Variants in GPHN observed in about 807,000 individuals in gnomAD.
GPHN encodes gephyrin.
A neutral mutation model predicts 95.5 loss-of-function variants in GPHN; 17 were observed. The ratio of observed to expected loss-of-function variants is 0.18; its 90% CI spans 0.12 to 0.27. The LOEUF is 0.27. Among genes scored for constraint, GPHN ranks in the 10% least tolerant of loss-of-function variants. The pLI is 1.00. For synonymous variants in GPHN, 320 were observed against 322.5 expected, an observed-to-expected ratio of 0.99 and a Z score of 0.08; for missense variants, 660 against 978.1, an observed-to-expected ratio of 0.67 and a Z score of 4.34.
Position 66,519,962 on chromosome 14 carries a change from T to C in GPHN, c.64+11371T>C, listed in dbSNP as rs898367039. ...ATGAACAGGCTGCAAATTGAATCTATGTAATCTGTCCGTAGAGTGTAAGCT... is the reference window on the plus strand; with the variant it reads ...ATGAACAGGCTGCAAATTGAATCTACGTAATCTGTCCGTAGAGTGTAAGCT... On this transcript the variant is annotated intron_variant, in intron 1 of 22. Transcript: ENST00000478722. Among the ~76,000 whole-genome samples the C allele has an allele frequency of 2.0e-5, 3 of 152,272 alleles. No individual in the cohort carries two copies. In the East Asian group the frequency reaches 5.8e-4, roughly 29 times the overall value.
intron 11 of GPHN, among the ~76,000 whole-genome samples, chr14:67,072,570 G>A (rs1258583898): frequency 6.6e-6 from 1 of 151,950 alleles, no homozygotes; most frequent in Non-Finnish European, 1.5e-5. Flanking sequence ...TTAATTGTGA[G>A]ACAAAAGCAT....
At chr14:67,499,855 A>T in the GPHN span, among the ~76,000 whole-genome samples, 2 of 147,340 alleles carry the variant, frequency 1.4e-5, no homozygotes, top group South Asian at 4.4e-4. Flanking sequence ...AAAAAAAAAA[A>T]GTTATGCCCT....
chr14:67,196,569 G>A, the GPHN span, among the ~76,000 whole-genome samples: 1 of 152,166 alleles, frequency 6.6e-6, no homozygotes, highest in Non-Finnish European at 1.5e-5. Context: ...AGGTTTTCAG[G>A]TAATCGTAAG....
At chr14:67,198,516 A>C in the GPHN span, among the ~76,000 whole-genome samples, 1 of 152,222 alleles carries the variant, frequency 6.6e-6, no homozygotes, top group Non-Finnish European at 1.5e-5. Context: ...AATGTCCCCA[A>C]AACTCTTGTG....
chr14:67,046,176 G>A (rs1314740379), intron 10 of GPHN, among the ~76,000 whole-genome samples: 1 of 151,610 alleles, frequency 6.6e-6, no homozygotes. Flanking sequence ...ATATGTTACT[G>A]TTCTAATTTA....
chr14:66,800,588 TA>T (rs200928948), intron 3 of GPHN, among the ~76,000 whole-genome samples: 1,759 of 150,996 alleles, frequency 0.012, 16 homozygotes, highest in Non-Finnish European at 0.017. Flanking sequence ...GTTTTTTTTT[TA>T]TTTTTCTCAT....
chr14:66,526,551 T>C (rs1263123218), intron 1 of GPHN, among the ~76,000 whole-genome samples: 2 of 152,192 alleles, frequency 1.3e-5, no homozygotes, highest in African/African-American at 2.4e-5. Flanking sequence ...ATCCTTGTCT[T>C]GTGCTGGTTT....
intron 10 of GPHN, among the ~76,000 whole-genome samples, chr14:67,043,413 C>T (rs1662853484): frequency 6.6e-6 from 1 of 152,072 alleles, no homozygotes; most frequent in Non-Finnish European, 1.5e-5. Context: ...CCATCAATAC[C>T]TAGTTTATTG....
At chr14:66,963,576 CCTT>C (rs1413542975) in intron 8 of GPHN, among the ~76,000 whole-genome samples, 11 of 151,938 alleles carry the variant, frequency 7.2e-5, no homozygotes, top group Admixed American at 2.6e-4. Flanking sequence ...GGGTATTTGA[CCTT>C]CTTTTAAATA....
At chr14:67,160,074 T>C (rs1245753275) in intron 19 of GPHN, among the ~76,000 whole-genome samples, 1 of 152,162 alleles carries the variant, frequency 6.6e-6, no homozygotes, top group Non-Finnish European at 1.5e-5. Context: ...AGAAAAAGAA[T>C]GCCTTTTTAT....
intron 2 of GPHN, among the ~76,000 whole-genome samples, chr14:66,689,982 T>C (rs1262550876): frequency 6.6e-6 from 1 of 152,054 alleles, no homozygotes; most frequent in East Asian, 1.9e-4. Flanking sequence ...GGCAATTTTA[T>C]TGATCTTTTC....
intron 1 of GPHN, among the ~76,000 whole-genome samples, chr14:66,525,526 G>A (rs563946448): frequency 5.3e-5 from 8 of 152,228 alleles, no homozygotes; most frequent in African/African-American, 1.9e-4. Flanking sequence ...TTTGGCTTTT[G>A]TTGCCATTGC....
At chr14:67,663,726 C>T in the GPHN span, among the ~76,000 whole-genome samples, 1 of 152,080 alleles carries the variant, frequency 6.6e-6, no homozygotes, top group African/African-American at 2.4e-5. Flanking sequence ...ATGATACTTG[C>T]GGATGGCAAA....
intron 9 of GPHN, among the ~76,000 whole-genome samples, chr14:66,989,806 T>G (rs1045559262): frequency 3.3e-5 from 5 of 152,176 alleles, no homozygotes; most frequent in Non-Finnish European, 7.3e-5. Context: ...TTAAAGTGCC[T>G]TGAATATTAA....
the GPHN span, among the ~76,000 whole-genome samples, chr14:67,452,619 C>G: frequency 2.6e-5 from 4 of 152,130 alleles, no homozygotes; most frequent in African/African-American, 4.8e-5. Flanking sequence ...TTATAGGAAG[C>G]AGGGCAGTGT....
the GPHN span, chr14:67,270,815 A>G: frequency 2.0e-5 from 3 of 151,756 alleles, no homozygotes; most frequent in South Asian, 6.3e-4. Flanking sequence ...ACTTGTGAGC[A>G]TTATAGAGTT....
At chr14:67,536,274 G>A in the GPHN span, among the ~76,000 whole-genome samples, 2 of 151,766 alleles carry the variant, frequency 1.3e-5, no homozygotes, top group African/African-American at 2.4e-5. Context: ...GAGATCAGAG[G>A]AAGTTGTCCC....
intron 1 of GPHN, among the ~76,000 whole-genome samples, chr14:66,515,298 A>G (rs945647210): frequency 2.0e-4 from 31 of 152,296 alleles, no homozygotes; most frequent in African/African-American, 6.0e-4. Flanking sequence ...TGGGTGGTGT[A>G]AAATTTATAT....
chr14:67,508,510 G>A, the GPHN span, among the ~76,000 whole-genome samples: 2 of 151,982 alleles, frequency 1.3e-5, no homozygotes, highest in Admixed American at 6.6e-5. Flanking sequence ...ACAGCCTCAC[G>A]CTAGCTCTCC....
Sources: gnomAD v4.1 joint callset for allele counts (sites outside exome capture counted in the v4.1 genomes callset) on GRCh38, gnomAD v4.1.1 for gene constraint, MANE v1.5 for transcripts, NCBI Gene and HGNC (gene_info 2026-07-23, HGNC 2026-07-21) for gene names.